The following GLIS3 variants were observed in gnomAD, a reference collection of about 807,000 sequenced individuals.
GLIS3 encodes zinc finger protein GLIS3.
A neutral mutation model predicts 78.6 loss-of-function variants in GLIS3; 53 were observed. The ratio of observed to expected loss-of-function variants is 0.67; its 90% CI spans 0.54 to 0.85. The LOEUF is 0.85. Among genes scored for constraint, GLIS3 ranks in the 40% least tolerant of loss-of-function variants. The pLI, the probability that GLIS3 is intolerant of heterozygous loss-of-function variation, is 0.00. For missense variants in GLIS3, 1,703 were observed against 1,231.1 expected, an observed-to-expected ratio of 1.38 and a Z score of -5.74; for synonymous variants, 684 against 509.9, an observed-to-expected ratio of 1.34 and a Z score of -4.60.
the GLIS3 span, among the ~76,000 whole-genome samples, chr9:4,375,737 C>T: frequency 3.9e-5 from 6 of 152,150 alleles, no homozygotes; most frequent in African/African-American, 1.4e-4. Flanking sequence ...AAGAGTATTT[C>T]CTGTTGCCAA....
At chr9:4,413,106 T>C in the GLIS3 span, among the ~76,000 whole-genome samples, 12 of 152,246 alleles carry the variant, frequency 7.9e-5, no homozygotes, top group African/African-American at 2.9e-4. Context: ...TGATGCTTTT[T>C]GGCTTATTAA....
At chr9:4,248,457 TA>T (rs1243638337) in intron 2 of GLIS3, among the ~76,000 whole-genome samples, 1 of 152,244 alleles carries the variant, frequency 6.6e-6, no homozygotes, top group Non-Finnish European at 1.5e-5. Context: ...CCATGGTGTA[TA>T]TGTGCCACAT....
chr9:4,190,812 C>T (rs1251018290), intron 2 of GLIS3, among the ~76,000 whole-genome samples: 1 of 152,130 alleles, frequency 6.6e-6, no homozygotes, highest in Non-Finnish European at 1.5e-5. Flanking sequence ...AAAGGAAAGC[C>T]CATCTGACTA....
chr9:4,166,401 G>C (rs1477823969), intron 2 of GLIS3, among the ~76,000 whole-genome samples: 7 of 152,220 alleles, frequency 4.6e-5, no homozygotes, highest in African/African-American at 1.4e-4. Flanking sequence ...GAACAAGGCA[G>C]ATGGGGGCCT....
intron 1 of GLIS3, among the ~76,000 whole-genome samples, chr9:4,288,332 C>CA (rs1563903312): frequency 2.0e-5 from 3 of 151,778 alleles, no homozygotes; most frequent in South Asian, 2.1e-4. Flanking sequence ...CACCCCCCGC[C>CA]AAAAAAAGGC....
At chr9:4,460,995 G>T in the GLIS3 span, among the ~76,000 whole-genome samples, 1 of 152,130 alleles carries the variant, frequency 6.6e-6, no homozygotes, top group Non-Finnish European at 1.5e-5. Context: ...AGAGAATTAA[G>T]AATTTTTAAA....
intron 2 of GLIS3, among the ~76,000 whole-genome samples, chr9:4,237,248 T>G (rs1822850964): frequency 6.6e-6 from 1 of 152,052 alleles, no homozygotes; most frequent in Admixed American, 6.5e-5. Context: ...TGAAATAATT[T>G]AAATATTAAA....
chr9:4,410,771 T>G, the GLIS3 span, among the ~76,000 whole-genome samples: 1 of 152,228 alleles, frequency 6.6e-6, no homozygotes, highest in Non-Finnish European at 1.5e-5. Context: ...TTAGCTCATA[T>G]TTAACTGCCA....
chr9:4,433,654 G>T, the GLIS3 span, among the ~76,000 whole-genome samples: 1 of 152,168 alleles, frequency 6.6e-6, no homozygotes, highest in Non-Finnish European at 1.5e-5. Flanking sequence ...TTCGTTTCTA[G>T]ATCCCTAAAA....
chr9:4,412,828 C>A, the GLIS3 span, among the ~76,000 whole-genome samples: 2 of 152,118 alleles, frequency 1.3e-5, no homozygotes, highest in Admixed American at 6.5e-5. Context: ...TAAAAACTTA[C>A]CAAATGAACC....
At chr9:4,474,236 T>C in the GLIS3 span, among the ~76,000 whole-genome samples, 1 of 152,186 alleles carries the variant, frequency 6.6e-6, no homozygotes, top group South Asian at 2.1e-4. Flanking sequence ...AGTGGAAAGA[T>C]AGACAAATAG....
chr9:3,876,423 T>G (rs188654541), intron 8 of GLIS3, among the ~76,000 whole-genome samples: 48 of 151,762 alleles, frequency 3.2e-4, no homozygotes, highest in African/African-American at 1.1e-3. Context: ...TCACAAAATT[T>G]GGGAAATCTG....
At chr9:4,147,246 G>A (rs911126514) in intron 2 of GLIS3, 10 of 152,016 alleles carry the variant, frequency 6.6e-5, no homozygotes, top group African/African-American at 2.4e-4. Context: ...TTCTATTATT[G>A]GAATTTCAAT....
intron 4 of GLIS3, among the ~76,000 whole-genome samples, chr9:3,953,797 A>G (rs10739029): frequency 4.4e-4 from 14 of 32,010 alleles, no homozygotes; most frequent in African/African-American, 1.5e-3. Context: ...CTCTCTCTCT[A>G]TATATATATA....
the GLIS3 span, among the ~76,000 whole-genome samples, chr9:4,443,188 G>C: frequency 2.0e-5 from 3 of 152,120 alleles, no homozygotes; most frequent in African/African-American, 2.4e-5. Flanking sequence ...TAGAGTCCCT[G>C]TTTCTAGTAA....
intron 4 of GLIS3, among the ~76,000 whole-genome samples, chr9:3,995,354 T>C (rs1319138148): frequency 1.3e-5 from 2 of 152,098 alleles, no homozygotes; most frequent in East Asian, 1.9e-4. Flanking sequence ...AACTACTCCA[T>C]GGAAGAATGC....
chr9:4,286,168 G>C lies in GLIS3; in HGVS notation c.258C>G (p.Pro86=). The change falls in exon 2 of 11, where the codon CCC becomes CCG. Residue 86 remains proline (P), a synonymous_variant. Coordinates refer to ENST00000381971, the MANE Select transcript of GLIS3 (RefSeq NM_001042413.2). The part of the protein sequence containing the change: ...ESRIHLPALS[P]RRQMLTNGKP... ...TCCCATTGGTGAGCATTTGTCTCCTGGGGCTTAAGGCAGGCAGATGGATGC... is the reference window on the plus strand; with the variant it reads ...TCCCATTGGTGAGCATTTGTCTCCTCGGGCTTAAGGCAGGCAGATGGATGC... The C allele has an allele frequency of 6.2e-7, 1 of 1,614,226 alleles. No individual in the cohort carries two copies. The highest frequency in any genetic ancestry group is 8.5e-7 in the Non-Finnish European group (1 of 1,180,042).
the GLIS3 span, among the ~76,000 whole-genome samples, chr9:4,410,113 G>A: frequency 3.3e-5 from 5 of 151,234 alleles, no homozygotes; most frequent in Admixed American, 1.3e-4. Flanking sequence ...TGGGATTACA[G>A]AAATGCACCA....
chr9:4,251,922 T>G (rs200947294), intron 2 of GLIS3, among the ~76,000 whole-genome samples: 3 of 152,208 alleles, frequency 2.0e-5, no homozygotes, highest in South Asian at 2.1e-4. Flanking sequence ...TAAGAATGTT[T>G]AATATTGGCC....
Sources: gnomAD v4.1 joint callset for allele counts (sites outside exome capture counted in the v4.1 genomes callset) on GRCh38, gnomAD v4.1.1 for gene constraint, MANE v1.5 for transcripts, NCBI Gene and HGNC (gene_info 2026-07-23, HGNC 2026-07-21) for gene names.